Variants in WDR70 observed in about 807,000 individuals in gnomAD.
WDR70 encodes the protein WD repeat-containing protein 70.
A neutral mutation model predicts 88.6 loss-of-function variants in WDR70; 53 were observed. That is an observed-to-expected ratio of 0.60 (90% CI 0.48 to 0.75). WDR70 has a LOEUF of 0.75. WDR70 is among the 30% of genes least tolerant of loss of function. The probability of loss-of-function intolerance (pLI) is 0.00; values close to 1 mark genes in which losing one functional copy is unlikely to be tolerated. For synonymous variants in WDR70, 280 were observed against 270.0 expected, an observed-to-expected ratio of 1.04 and a Z score of -0.36; for missense variants, 610 against 823.2, an observed-to-expected ratio of 0.74 and a Z score of 3.17.
chr5:37,565,142 A>G (rs1235687772), intron 9 of WDR70, among the ~76,000 whole-genome samples: 4 of 152,150 alleles, frequency 2.6e-5, no homozygotes, highest in Admixed American at 2.6e-4. Context: ...AATAGTGGCA[A>G]ATTCACTTTA....
At chr5:37,438,786 A>AGTG (rs1750561811) in intron 6 of WDR70, among the ~76,000 whole-genome samples, 1 of 152,154 alleles carries the variant, frequency 6.6e-6, no homozygotes, top group Non-Finnish European at 1.5e-5. Flanking sequence ...TGTTAAATAT[A>AGTG]GTGGGTTTAT....
At chr5:37,710,427 T>C (rs946782216) in intron 13 of WDR70, among the ~76,000 whole-genome samples, 3 of 152,128 alleles carry the variant, frequency 2.0e-5, no homozygotes, top group African/African-American at 7.2e-5. Context: ...AATTATTGTG[T>C]TGTGGTTTCA....
intron 5 of WDR70, among the ~76,000 whole-genome samples, chr5:37,418,892 T>G (rs549217476): frequency 1.3e-5 from 2 of 152,118 alleles, no homozygotes; most frequent in East Asian, 3.9e-4. Flanking sequence ...GCCTCCTGGG[T>G]AGCTGGGATT....
intron 7 of WDR70, among the ~76,000 whole-genome samples, chr5:37,475,205 C>CAAG (rs1739442174): frequency 9.7e-5 from 1 of 10,326 alleles, no homozygotes; most frequent in Admixed American, 9.3e-3. Context: ...TAGGTGTGAG[C>CAAG]CACGGTACCC....
chr5:37,406,701 A>G (rs1224288705), intron 5 of WDR70, among the ~76,000 whole-genome samples: 1 of 152,328 alleles, frequency 6.6e-6, no homozygotes, highest in South Asian at 2.1e-4. Flanking sequence ...TCAATAGGAT[A>G]GCAAAAGAGG....
chr5:37,680,954 GT>G (rs1178910736), intron 10 of WDR70, among the ~76,000 whole-genome samples: 1 of 152,094 alleles, frequency 6.6e-6, no homozygotes, highest in Admixed American at 6.5e-5. Context: ...TTTTAAAATA[GT>G]TTTTTCTACT....
At position 37,740,297 on chromosome 5, in the gene WDR70, A is replaced by C. The variant is rs1263820321; in HGVS notation, c.1878-12189A>C. Among the ~76,000 whole-genome samples the C allele has an allele frequency of 3.9e-5, 6 of 152,302 alleles. No individual in the cohort carries two copies. In the East Asian group the frequency reaches 1.2e-3, roughly 29 times the overall value. On this transcript the variant is annotated intron_variant, in intron 17 of 17. Coordinates refer to ENST00000265107, the MANE Select transcript of WDR70 (RefSeq NM_018034.4). ...ATTGAGTTTTTAAAATATTTCTCAT[A>C]TGTGGATTTCTAAACGTTTTCAAAA...
intron 10 of WDR70, among the ~76,000 whole-genome samples, chr5:37,696,777 C>T (rs892642166): frequency 6.6e-6 from 1 of 152,170 alleles, no homozygotes; most frequent in Non-Finnish European, 1.5e-5. Flanking sequence ...ATAGACCACA[C>T]TTTTTGAGGT....
At chr5:37,524,818 G>C (rs1391822238) in intron 9 of WDR70, among the ~76,000 whole-genome samples, 1 of 152,016 alleles carries the variant, frequency 6.6e-6, no homozygotes, top group Non-Finnish European at 1.5e-5. Context: ...CAAAAAGGTA[G>C]GGGTTGGAAT....
chr5:37,466,489 G>C (rs1009116658), intron 7 of WDR70, among the ~76,000 whole-genome samples: 4 of 142,166 alleles, frequency 2.8e-5, no homozygotes, highest in African/African-American at 7.9e-5. Flanking sequence ...GGCAGATCAT[G>C]AGGTCAGGAG....
chr5:37,715,070 A>T (rs1747618042), intron 13 of WDR70, among the ~76,000 whole-genome samples: 1 of 152,062 alleles, frequency 6.6e-6, no homozygotes, highest in Admixed American at 6.6e-5. Flanking sequence ...ACTGTAAATG[A>T]GTTATTTTAG....
At chr5:37,668,862 AT>A (rs1745940817) in intron 10 of WDR70, among the ~76,000 whole-genome samples, 1 of 152,374 alleles carries the variant, frequency 6.6e-6, no homozygotes, top group Admixed American at 6.5e-5. Context: ...CAGATAAAAA[AT>A]AAATGCTAAG....
chr5:37,648,464 T>C (rs1450086773), intron 10 of WDR70, among the ~76,000 whole-genome samples: 2 of 152,086 alleles, frequency 1.3e-5, no homozygotes, highest in Admixed American at 6.5e-5. Flanking sequence ...CGACATTGAC[T>C]TGAACTACTT....
chr5:37,693,039 T>G (rs1746857476), intron 10 of WDR70, among the ~76,000 whole-genome samples: 1 of 151,992 alleles, frequency 6.6e-6, no homozygotes, highest in Non-Finnish European at 1.5e-5. Context: ...AAAATCCATG[T>G]GAAAAAATCA....
chr5:37,683,085 A>G (rs976437271), intron 10 of WDR70, among the ~76,000 whole-genome samples: 1 of 152,188 alleles, frequency 6.6e-6, no homozygotes. Context: ...TGTTACTGTT[A>G]TGTAATGTAC....
At chr5:37,522,677 C>A (rs569075512) in intron 9 of WDR70, among the ~76,000 whole-genome samples, 1 of 152,058 alleles carries the variant, frequency 6.6e-6, no homozygotes, top group Non-Finnish European at 1.5e-5. Context: ...CAAAGCAGGG[C>A]GAGGCATCAC....
At chr5:37,434,459 A>C (rs1392893115) in intron 5 of WDR70, among the ~76,000 whole-genome samples, 2 of 152,134 alleles carry the variant, frequency 1.3e-5, no homozygotes, top group African/African-American at 2.4e-5. Flanking sequence ...TTTCTGCGAG[A>C]AAATAGCGCT....
At chr5:37,628,225 T>C (rs1179937326) in intron 10 of WDR70, among the ~76,000 whole-genome samples, 1 of 152,206 alleles carries the variant, frequency 6.6e-6, no homozygotes, top group East Asian at 1.9e-4. Flanking sequence ...TTCTGGCCTG[T>C]GGTGCAGTTT....
chr5:37,517,455 C>T (rs1175206963), intron 9 of WDR70, among the ~76,000 whole-genome samples: 1 of 151,564 alleles, frequency 6.6e-6, no homozygotes, highest in East Asian at 1.9e-4. Flanking sequence ...GCAGCCTCCA[C>T]CTCCTAGGTT....
Sources: gnomAD v4.1 joint callset for allele counts (sites outside exome capture counted in the v4.1 genomes callset) on GRCh38, gnomAD v4.1.1 for gene constraint, MANE v1.5 for transcripts, NCBI Gene and HGNC (gene_info 2026-07-23, HGNC 2026-07-21) for gene names.